Variants in TDRD12 observed in about 807,000 individuals in gnomAD.
TDRD12 encodes the protein tudor domain containing 12.
Under a neutral mutation model 133.5 loss-of-function variants are expected in TDRD12, and 158 were observed. That is an observed-to-expected ratio of 1.18 (90% confidence interval 1.04 to 1.35). TDRD12 has a LOEUF of 1.35. Among genes scored for constraint, TDRD12 ranks in the 40% most tolerant of loss-of-function variants. The pLI is 0.00. For synonymous variants in TDRD12, 460 were observed against 477.9 expected (o/e 0.96, Z 0.49); for missense variants, 1,443 against 1,321.3 (o/e 1.09, Z -1.43).
chr19:32,765,801 A>G (rs2145578522), intron 8 of TDRD12, among the ~76,000 whole-genome samples: 1 of 152,088 alleles, frequency 6.6e-6, no homozygotes, highest in East Asian at 1.9e-4. Context: ...ATGACAAGTT[A>G]ATGGGTGCAG....
At chr19:32,724,347 A>G (rs987929609) in intron 1 of TDRD12, among the ~76,000 whole-genome samples, 1 of 152,012 alleles carries the variant, frequency 6.6e-6, no homozygotes, top group African/African-American at 2.4e-5. Context: ...TAAGCCCCGC[A>G]TGTATTAGTT....
intron 11 of TDRD12, among the ~76,000 whole-genome samples, chr19:32,777,830 TA>T (rs1970630504): frequency 2.2e-3 from 16 of 7,122 alleles, no homozygotes; most frequent in Non-Finnish European, 3.9e-3. Flanking sequence ...TATATATATA[TA>T]TATATATATA....
At chr19:32,757,289 G>C (rs1970024222) in intron 8 of TDRD12, among the ~76,000 whole-genome samples, 159 bp downstream of exon 8, 1 of 152,104 alleles carries the variant, frequency 6.6e-6, no homozygotes, top group African/African-American at 2.4e-5. Context: ...AAGAGTTCAT[G>C]TGTCCTGCAT....
At chr19:32,772,995 A>G in intron 9 of TDRD12, 145 bp downstream of exon 9, 2 of 466,386 alleles carry the variant, frequency 4.3e-6, no homozygotes, top group South Asian at 7.1e-5. Flanking sequence ...GAGAAAATAT[A>G]GTTTGCTTGT....
At chr19:32,725,383 A>C (rs758669062) in intron 1 of TDRD12, among the ~76,000 whole-genome samples, 1 of 151,684 alleles carries the variant, frequency 6.6e-6, no homozygotes, top group African/African-American at 2.4e-5. Flanking sequence ...TATTGAGTTA[A>C]TTTTTGTATA....
At chr19:32,826,892 C>CA in intron 9 of TDRD12, 143 bp downstream of exon 32, 1 of 533,376 alleles carries the variant, frequency 1.9e-6, no homozygotes, top group Non-Finnish European at 2.9e-6. Context: ...CTTTGTTTAT[C>CA]TTGGTGCTAA....
intron 6 of TDRD12, among the ~76,000 whole-genome samples, chr19:32,753,577 C>T (rs1030286740): frequency 2.6e-5 from 4 of 151,884 alleles, no homozygotes; most frequent in African/African-American, 9.7e-5. Flanking sequence ...GATCTCTGCT[C>T]ACTGCAAGCT....
chr19:32,801,694 G>T, intron 18 of TDRD12, 62 bp from the exon 19 acceptor site: 1 of 533,658 alleles, frequency 1.9e-6, no homozygotes, highest in South Asian at 3.7e-5. Context: ...ATTATTGATG[G>T]AACGGTTGGC....
intron 8 of TDRD12, among the ~76,000 whole-genome samples, chr19:32,766,133 AG>A (rs1264678781): frequency 6.6e-6 from 1 of 152,174 alleles, no homozygotes; most frequent in African/African-American, 2.4e-5. Context: ...GAGTTCTTGT[AG>A]GGAGCATATA....
chr19:32,766,558 T>C (rs950599752), intron 8 of TDRD12, among the ~76,000 whole-genome samples: 12 of 152,190 alleles, frequency 7.9e-5, no homozygotes, highest in African/African-American at 2.9e-4. Flanking sequence ...ATTTTTTTGC[T>C]TTCTTTTGGA....
intron 4 of TDRD12, among the ~76,000 whole-genome samples, chr19:32,744,055 A>C (rs1969515753): frequency 6.6e-6 from 1 of 151,284 alleles, no homozygotes; most frequent in Non-Finnish European, 1.5e-5. Flanking sequence ...AAGTATGTTG[A>C]AACTCTTTGT....
At chr19:32,731,509 GTTCGTTAT>G (rs1460219272) in intron 1 of TDRD12, among the ~76,000 whole-genome samples, 1 of 152,036 alleles carries the variant, frequency 6.6e-6, no homozygotes, top group Non-Finnish European at 1.5e-5. Flanking sequence ...GAGGACATCC[GTTCGTTAT>G]TTGAGTCACA....
chr19:32,823,254 C>T (rs1289431292), downstream of TDRD12, among the ~76,000 whole-genome samples: 7 of 152,146 alleles, frequency 4.6e-5, 1 homozygote, highest in Admixed American at 2.0e-4. Flanking sequence ...GAGGAGGAGC[C>T]GCAGAGGTGG....
intron 21 of TDRD12, among the ~76,000 whole-genome samples, chr19:32,806,544 G>C (rs1169112283): frequency 3.9e-5 from 6 of 151,994 alleles, no homozygotes; most frequent in African/African-American, 1.5e-4. Flanking sequence ...GGTTCGCCAT[G>C]TTGGCCATGC....
At chr19:32,763,112 A>G (rs1219087223) in intron 8 of TDRD12, among the ~76,000 whole-genome samples, 1 of 152,166 alleles carries the variant, frequency 6.6e-6, no homozygotes, top group African/African-American at 2.4e-5. Context: ...TATGTGGTCT[A>G]TTGCTGATGG....
At chr19:32,729,091 C>A (rs1968955898) in intron 1 of TDRD12, among the ~76,000 whole-genome samples, 2 of 149,728 alleles carry the variant, frequency 1.3e-5, no homozygotes, top group African/African-American at 2.5e-5. Context: ...TTTCAACTCA[C>A]TCTAACCATC....
rs868818815 is a variant in TDRD12, at chr19:32,785,888, G to C, written c.1122-4643G>C. On this transcript the variant is annotated intron_variant, in intron 11 of 27. Transcript: ENST00000444215. ...TGGGTCTTGACTCTTTATCCAATTT[G>C]CCAGTCTGTGTCTTTTAATTGGGGG... Among the ~76,000 whole-genome samples the C allele has an allele frequency of 1.1e-4, 17 of 152,100 alleles. No individual in the cohort carries two copies. In the Middle Eastern group the frequency reaches 0.01, roughly 91 times the overall value.
Position 32,815,216 on chromosome 19 carries a change from A to C in TDRD12, c.3142-232A>C, listed in dbSNP as rs558047305. Among the ~76,000 whole-genome samples the C allele has an allele frequency of 3.3e-3, 503 of 152,146 alleles. 3 individuals carry two copies. The highest frequency in any genetic ancestry group is 0.011 in the African/African-American group (472 of 41,520). ...CCAGATTTGCTCTTGCCACCCCCCC[A>C]CCACCTGCCCATATTTCTGTGGCAT... On this transcript the variant is annotated intron_variant, in intron 25 of 27. Transcript: ENST00000444215.
intron 8 of TDRD12, among the ~76,000 whole-genome samples, chr19:32,760,592 A>G (rs890385624): frequency 3.3e-5 from 5 of 152,172 alleles, no homozygotes; most frequent in Admixed American, 3.3e-4. Flanking sequence ...AAAGTTGTTT[A>G]TTTTGGTATT....
Sources: allele counts gnomAD v4.1 joint callset (sites outside exome capture counted in the v4.1 genomes callset), GRCh38; gene constraint gnomAD v4.1.1; transcripts MANE v1.5; gene names NCBI Gene and HGNC (gene_info 2026-07-23, HGNC 2026-07-21).